Variants in PKNOX2 observed in about 807,000 individuals in gnomAD.
PKNOX2 encodes the protein homeobox protein PKNOX2.
PKNOX2 carries 14 observed loss-of-function variants against 53.1 expected under a neutral mutation model. The observed-to-expected ratio is 0.26, with a 90% CI of 0.17 to 0.41. The LOEUF is 0.41. Ranked by LOEUF, PKNOX2 falls within the 10% of genes least tolerant of loss-of-function variation. The pLI is 1.00. For synonymous variants in PKNOX2, 257 were observed against 242.8 expected (o/e 1.06, Z -0.54); for missense variants, 496 against 602.8 (o/e 0.82, Z 1.85).
intron 1 of PKNOX2, among the ~76,000 whole-genome samples, chr11:125,207,669 G>T (rs982451141): frequency 2.6e-5 from 4 of 152,078 alleles, no homozygotes; most frequent in African/African-American, 9.7e-5. Flanking sequence ...TCGCTTGTCG[G>T]CATGAAAGCT....
chr11:125,310,951 C>T (rs1269273966), intron 2 of PKNOX2, among the ~76,000 whole-genome samples: 2 of 152,006 alleles, frequency 1.3e-5, no homozygotes, highest in African/African-American at 4.8e-5. Context: ...TGCCTCAATC[C>T]CTAATTTTTT....
chr11:125,232,682 T>C (rs1017554845), intron 1 of PKNOX2, among the ~76,000 whole-genome samples: 2 of 152,190 alleles, frequency 1.3e-5, no homozygotes, highest in Non-Finnish European at 2.9e-5. Context: ...TACAAACTGG[T>C]AAGTTCAGAA....
chr11:125,400,478 G>A (rs1244883060), intron 7 of PKNOX2, among the ~76,000 whole-genome samples: 3 of 152,176 alleles, frequency 2.0e-5, no homozygotes, highest in East Asian at 1.9e-4. Context: ...GCCCCTGGGG[G>A]TGGAAGGGAG....
chr11:125,269,094 C>T (rs1033249131), intron 2 of PKNOX2, among the ~76,000 whole-genome samples: 2 of 152,162 alleles, frequency 1.3e-5, no homozygotes, highest in Non-Finnish European at 2.9e-5. Flanking sequence ...GATGGGAATT[C>T]TTGTAAATTT....
intron 1 of PKNOX2, among the ~76,000 whole-genome samples, chr11:125,233,999 G>C (rs1942457425): frequency 6.6e-6 from 1 of 152,170 alleles, no homozygotes; most frequent in Admixed American, 6.5e-5. Context: ...GTGTCTGTCA[G>C]GCAGACCAGT....
At position 125,415,975 on chromosome 11, in the gene PKNOX2, A is replaced by G. The variant is rs867734443; in HGVS notation, c.936+4110A>G. Reference sequence around the variant, plus strand: ...CATCTTCCTTGCATAAACCTCTCCTATACTGTAACATCTATAAATTCCACC... The same window carrying G: ...CATCTTCCTTGCATAAACCTCTCCTGTACTGTAACATCTATAAATTCCACC... On this transcript the variant is annotated intron_variant, in intron 10 of 12. Transcript: ENST00000298282. 2.0e-5 allele frequency among the ~76,000 whole-genome samples: 3 copies of G among 152,288 alleles called. No homozygotes were observed. In the Middle Eastern group the frequency reaches 0.01, roughly 518 times the overall value.
At chr11:125,385,168 A>T (rs1019778531) in intron 5 of PKNOX2, among the ~76,000 whole-genome samples, 11 of 152,214 alleles carry the variant, frequency 7.2e-5, no homozygotes, top group African/African-American at 2.7e-4. Flanking sequence ...GAATGTTCAC[A>T]TCCAGGACTT....
chr11:125,218,802 T>C (rs1292851464), intron 1 of PKNOX2, among the ~76,000 whole-genome samples: 4 of 152,160 alleles, frequency 2.6e-5, no homozygotes, highest in African/African-American at 9.7e-5. Context: ...CAAAAAGGCT[T>C]AAAGAGTGAG....
At chr11:125,409,105 C>A (rs911177903) in intron 7 of PKNOX2, among the ~76,000 whole-genome samples, 5 of 152,176 alleles carry the variant, frequency 3.3e-5, no homozygotes, top group African/African-American at 1.2e-4. Flanking sequence ...CTCAGGCAGG[C>A]CTCCTGAGGC....
At chr11:125,312,884 G>C (rs1051500065) in intron 2 of PKNOX2, among the ~76,000 whole-genome samples, 12 of 152,182 alleles carry the variant, frequency 7.9e-5, no homozygotes, top group Admixed American at 7.2e-4. Context: ...AGTGGCACAA[G>C]TAGATAAGGT....
chr11:125,175,565 T>C (rs1955655392), intron 1 of PKNOX2, among the ~76,000 whole-genome samples: 1 of 152,228 alleles, frequency 6.6e-6, no homozygotes, highest in South Asian at 2.1e-4. Flanking sequence ...AGCCCTGTGC[T>C]GGGGGCTGTC....
At chr11:125,426,360 TAG>T (rs1284540685) in intron 10 of PKNOX2, among the ~76,000 whole-genome samples, 2 of 152,246 alleles carry the variant, frequency 1.3e-5, no homozygotes, top group Non-Finnish European at 2.9e-5. Flanking sequence ...TTCCCATTAA[TAG>T]AGAGGCTTTT....
chr11:125,340,219 G>A (rs546497218), intron 3 of PKNOX2, among the ~76,000 whole-genome samples: 2 of 152,304 alleles, frequency 1.3e-5, no homozygotes, highest in East Asian at 1.9e-4. Flanking sequence ...GCCCAGGCTC[G>A]GCAACACAGA....
chr11:125,180,527 C>T (rs182534519), intron 1 of PKNOX2, among the ~76,000 whole-genome samples: 3 of 152,342 alleles, frequency 2.0e-5, no homozygotes, highest in South Asian at 4.1e-4. Flanking sequence ...GCAACTCTCT[C>T]ATTTAACAAC....
At chr11:125,244,503 C>T (rs1458005892) in intron 2 of PKNOX2, among the ~76,000 whole-genome samples, 1 of 152,236 alleles carries the variant, frequency 6.6e-6, no homozygotes, top group Non-Finnish European at 1.5e-5. Flanking sequence ...CCCTCGCCTT[C>T]CCCCTGAGTT....
chr11:125,378,056 G>A (rs1188236561), intron 5 of PKNOX2, among the ~76,000 whole-genome samples: 1 of 152,214 alleles, frequency 6.6e-6, no homozygotes, highest in East Asian at 1.9e-4. Context: ...GTAAACAGAT[G>A]CCCCAGGAAG....
Position 125,381,326 on chromosome 11 carries a change from C to T in PKNOX2, c.228-4225C>T, listed in dbSNP as rs78827152. Among the ~76,000 whole-genome samples, 5 of 152,166 alleles carry T rather than the reference C, an allele frequency of 3.3e-5. No homozygotes were observed. In the East Asian group the frequency reaches 9.7e-4, roughly 29 times the overall value. On this transcript the variant is annotated intron_variant, in intron 5 of 12. Transcript: ENST00000298282. Reference sequence around the variant, plus strand: ...GGTAGGAGAAGAGAGGATCTGGGGGCTGACAGTACCCTGCCCTCCAACCCT... The same window carrying T: ...GGTAGGAGAAGAGAGGATCTGGGGGTTGACAGTACCCTGCCCTCCAACCCT...
chr11:125,401,199 G>A (rs1954727115), intron 7 of PKNOX2, among the ~76,000 whole-genome samples: 1 of 152,110 alleles, frequency 6.6e-6, no homozygotes, highest in Non-Finnish European at 1.5e-5. Context: ...ACAGGCTGAA[G>A]AATTGGAGGA....
At chr11:125,252,308 C>T (rs1258858297) in intron 2 of PKNOX2, among the ~76,000 whole-genome samples, 1 of 152,084 alleles carries the variant, frequency 6.6e-6, no homozygotes, top group Non-Finnish European at 1.5e-5. Flanking sequence ...AAAGCTGGGG[C>T]TGGAGACTCT....
Sources: allele counts gnomAD v4.1 joint callset (sites outside exome capture counted in the v4.1 genomes callset), GRCh38; gene constraint gnomAD v4.1.1; transcripts MANE v1.5; gene names NCBI Gene and HGNC (gene_info 2026-07-23, HGNC 2026-07-21).